Variants in CDC37L1 observed in about 807,000 individuals in gnomAD.
CDC37L1 encodes the protein hsp90 co-chaperone Cdc37-like 1.
In CDC37L1, 32 loss-of-function variants were observed where a neutral mutation model predicts 45.9. The ratio of observed to expected loss-of-function variants is 0.70; its 90% CI spans 0.53 to 0.94. The LOEUF (loss-of-function observed/expected upper bound fraction) is 0.94, where lower values mean the gene tolerates loss of function less well. Ranked by LOEUF, CDC37L1 falls within the 40% of genes least tolerant of loss-of-function variation. The pLI, the probability that CDC37L1 is intolerant of heterozygous loss-of-function variation, is 0.00. For synonymous variants in CDC37L1, 150 were observed against 133.0 expected, an observed-to-expected ratio of 1.13 and a Z score of -0.88; for missense variants, 434 against 405.7, an observed-to-expected ratio of 1.07 and a Z score of -0.60.
chr9:4,706,726 A>G lies in CDC37L1; in HGVS notation c.*614A>G, dbSNP rs1249023000. 1 of 152,432 alleles carries G rather than the reference A, an allele frequency of 6.6e-6. No homozygotes were observed. The highest frequency in any genetic ancestry group is 1.5e-5 in the Non-Finnish European group (1 of 68,016). The allele number at this position is 152,432 out of a possible 1,614,324, so 9.4% of individuals were successfully genotyped here. A position where few individuals can be genotyped will look rare whatever the true frequency, so the allele number is the denominator to read the frequency against. On this transcript the variant is annotated 3_prime_UTR_variant, in exon 7 of 7. Transcript: ENST00000381854. ...CAAATTTGATATATACATTACATTT[A>G]CCCTCAAATTATTCTCAAAACTATA... is the stretch of plus-strand genomic sequence containing the variant.
At chr9:4,696,654 T>G (rs1841350621) in intron 3 of CDC37L1, among the ~76,000 whole-genome samples, 1 of 152,204 alleles carries the variant, frequency 6.6e-6, no homozygotes, top group African/African-American at 2.4e-5. Context: ...TAAATAGTAT[T>G]TGGATTTCTT....
At position 4,701,971 on chromosome 9, in the gene CDC37L1, G is replaced by T. The variant is rs1841402202; in HGVS notation, c.855G>T (p.Gln285His). The stretch of plus-strand genomic sequence containing the variant: ...AAAGTTTTCAACCTATGACAGTTCA[G>T]AATCATGTTCCCCATTCTGGTGTTG... ...QSQSFQPMTV[Q>H]NHVPHSGVGS... The change falls in exon 6 of 7, where the codon CAG becomes CAT. Residue 285 changes from glutamine to histidine, a missense_variant. Coordinates refer to ENST00000381854, the MANE Select transcript of CDC37L1 (RefSeq NM_017913.4). 4 of 1,555,790 alleles carry T rather than the reference G, an allele frequency of 2.6e-6. No individual in the cohort carries two copies. Among genetic ancestry groups the T allele is most frequent in the African/African-American group, 1.4e-5 (1 of 71,064 alleles).
chr9:4,694,060 T>C (rs1327564263), intron 3 of CDC37L1, among the ~76,000 whole-genome samples: 1 of 152,200 alleles, frequency 6.6e-6, no homozygotes, highest in African/African-American at 2.4e-5. Context: ...TATATGCTGT[T>C]CCACTGAGTT....
chr9:4,688,535 G>T lies in CDC37L1; in HGVS notation c.437G>T (p.Arg146Ile), dbSNP rs750184463. The change falls in exon 3 of 7, where the codon AGA becomes ATA. Residue 146 changes from arginine (R) to isoleucine (I), a missense_variant. Coordinates refer to ENST00000381854, the MANE Select transcript of CDC37L1 (RefSeq NM_017913.4). ...TAGAGTTTTATTAATCAAGATAAAA[G>T]AAAAGACACAGAAGATGAAGATAAA... Reference protein sequence around the residue: ...FNKSFINQDKRKDTEDEDKSE... With the variant: ...FNKSFINQDKIKDTEDEDKSE... 34 of 1,516,694 alleles carry T rather than the reference G, an allele frequency of 2.2e-5. No individual in the cohort carries two copies. Among genetic ancestry groups the T allele is most frequent in the Non-Finnish European group, 2.8e-5 (32 of 1,124,202 alleles). 94.0% of individuals were successfully genotyped at this position (1,516,694 alleles called of 1,614,324 possible).
intron 3 of CDC37L1, among the ~76,000 whole-genome samples, chr9:4,691,357 T>G (rs186747334): frequency 6.6e-6 from 1 of 152,328 alleles, no homozygotes; most frequent in African/African-American, 2.4e-5. Context: ...CCAGTGTGTG[T>G]TGTTCCCCTT....
chr9:4,684,698 T>C lies in CDC37L1; in HGVS notation c.133-179T>C, dbSNP rs1841230376. Among the ~76,000 whole-genome samples the C allele has an allele frequency of 5.3e-5, 8 of 152,226 alleles. 1 individual carries two copies. The South Asian group carries it at 1.7e-3, about 32-fold the overall frequency. On this transcript the variant is annotated intron_variant, in intron 1 of 6. Transcript: ENST00000381854. Reference sequence around the variant, plus strand: ...GATAGGCCTAAATTAACAAAGAAGTTTAGAAGTTAGTTGATGAAACAAGGA... The same window carrying C: ...GATAGGCCTAAATTAACAAAGAAGTCTAGAAGTTAGTTGATGAAACAAGGA...
chr9:4,691,164 TTTGTTG>T (rs1841296448), intron 3 of CDC37L1, among the ~76,000 whole-genome samples: 1 of 152,208 alleles, frequency 6.6e-6, no homozygotes, highest in South Asian at 2.1e-4. Flanking sequence ...ATTTTGTTTT[TTTGTTG>T]TTGTTTAACT....
At chr9:4,682,064 G>C (rs909230220) in intron 1 of CDC37L1, among the ~76,000 whole-genome samples, 1 of 151,730 alleles carries the variant, frequency 6.6e-6, no homozygotes, top group African/African-American at 2.4e-5. Flanking sequence ...TTTTCGATTT[G>C]AGAAAAGAAT....
intron 4 of CDC37L1, among the ~76,000 whole-genome samples, chr9:4,697,482 C>T (rs932556407): frequency 2.6e-5 from 4 of 152,038 alleles, no homozygotes; most frequent in Non-Finnish European, 5.9e-5. Context: ...TTACTATAAT[C>T]CTTTTCAAAC....
intron 1 of CDC37L1, among the ~76,000 whole-genome samples, chr9:4,683,141 G>GATATTATATTATAATTAT (rs1491160972): frequency 1.4e-5 from 2 of 138,790 alleles, no homozygotes; most frequent in Non-Finnish European, 3.1e-5. Flanking sequence ...TATAATATAT[G>GATATTATATTATAATTAT]AATATATATT....
At chr9:4,691,959 A>G (rs1161016912) in intron 3 of CDC37L1, among the ~76,000 whole-genome samples, 1 of 152,222 alleles carries the variant, frequency 6.6e-6, no homozygotes, top group Non-Finnish European at 1.5e-5. Context: ...TATGGTCATC[A>G]GAGCTGCTTT....
At chr9:4,692,740 A>G (rs1841313581) in intron 3 of CDC37L1, among the ~76,000 whole-genome samples, 1 of 152,258 alleles carries the variant, frequency 6.6e-6, no homozygotes, top group Admixed American at 6.5e-5. Flanking sequence ...AAATTTTTCA[A>G]AGCGTTTATC....
chr9:4,691,107 AAAG>A (rs1258106983), intron 3 of CDC37L1, among the ~76,000 whole-genome samples: 2 of 152,250 alleles, frequency 1.3e-5, no homozygotes, highest in Non-Finnish European at 2.9e-5. Flanking sequence ...TATTGTGATG[AAAG>A]AAGAAAGCTT....
At chr9:4,687,122 T>TA (rs1182868114) in intron 2 of CDC37L1, among the ~76,000 whole-genome samples, 1 of 152,198 alleles carries the variant, frequency 6.6e-6, no homozygotes, top group Non-Finnish European at 1.5e-5. Flanking sequence ...TATTTTGAAA[T>TA]ATGTAAACTT....
In CDC37L1 at chr9:4,707,886, A is replaced by C. The variant is rs1841460045; in HGVS notation, c.*1774A>C. 1 of 152,204 alleles carries C rather than the reference A, an allele frequency of 6.6e-6. No homozygotes were observed. The highest frequency in any genetic ancestry group is 2.4e-5 in the African/African-American group (1 of 41,464). The allele number at this position is 152,204 out of a possible 1,614,324, so 9.4% of individuals were successfully genotyped here. On this transcript the variant is annotated 3_prime_UTR_variant, in exon 7 of 7. Coordinates refer to ENST00000381854, the MANE Select transcript of CDC37L1 (RefSeq NM_017913.4). ...CCCAGGATTTGCCTGTAAGCATTCAAATTGTTTTGAATTTCATTTTGCCTT... is the reference window on the plus strand; with the variant it reads ...CCCAGGATTTGCCTGTAAGCATTCACATTGTTTTGAATTTCATTTTGCCTT...
intron 6 of CDC37L1, among the ~76,000 whole-genome samples, chr9:4,702,840 G>T (rs1350884451): frequency 7.8e-6 from 1 of 128,342 alleles, no homozygotes; most frequent in African/African-American, 3.0e-5. Flanking sequence ...AGTGAGCCGA[G>T]ATCGAGCCAC....
At chr9:4,691,058 T>C (rs1194877514) in intron 3 of CDC37L1, among the ~76,000 whole-genome samples, 2 of 152,238 alleles carry the variant, frequency 1.3e-5, no homozygotes, top group Non-Finnish European at 2.9e-5. Flanking sequence ...TGAAAATTTG[T>C]GGCTATGCCT....
intron 6 of CDC37L1, among the ~76,000 whole-genome samples, chr9:4,702,649 A>G (rs981215559): frequency 2.0e-5 from 3 of 152,020 alleles, no homozygotes; most frequent in African/African-American, 4.8e-5. Context: ...TGGAAGGCCG[A>G]GACAGGCAGA....
chr9:4,683,623 T>C (rs539131165), intron 1 of CDC37L1, among the ~76,000 whole-genome samples: 9 of 152,300 alleles, frequency 5.9e-5, no homozygotes, highest in African/African-American at 2.2e-4. Context: ...AGTATGTACT[T>C]TATCCCAAAG....
Sources: gnomAD v4.1 joint callset for allele counts (sites outside exome capture counted in the v4.1 genomes callset) on GRCh38, gnomAD v4.1.1 for gene constraint, MANE v1.5 for transcripts, NCBI Gene and HGNC (gene_info 2026-07-23, HGNC 2026-07-21) for gene names.